LRP1B: variants seen among roughly 807,000 people sequenced by gnomAD.
LRP1B encodes LDL receptor related protein 1B.
A neutral mutation model predicts 556.6 loss-of-function variants in LRP1B; 217 were observed. That is an observed-to-expected ratio of 0.39 (90% CI 0.35 to 0.44). The LOEUF is 0.44. Ranked by LOEUF, LRP1B falls within the 20% of genes least tolerant of loss-of-function variation. LRP1B has a pLI of 1.00. For missense variants in LRP1B, 5,053 were observed against 5,620.8 expected, an observed-to-expected ratio of 0.90 and a Z score of 3.23; for synonymous variants, 2,047 against 1,865.8, an observed-to-expected ratio of 1.10 and a Z score of -2.50.
At chr2:140,272,880 A>AT (rs1413868414) in intron 85 of LRP1B, among the ~76,000 whole-genome samples, 2 of 151,936 alleles carry the variant, frequency 1.3e-5, no homozygotes, top group African/African-American at 4.8e-5. Flanking sequence ...TTATTTATCC[A>AT]TTTTTATATA....
chr2:140,362,088 C>T (rs1159193567), intron 72 of LRP1B, among the ~76,000 whole-genome samples: 1 of 151,664 alleles, frequency 6.6e-6, no homozygotes, highest in East Asian at 1.9e-4. Flanking sequence ...TCAAATCTGT[C>T]TATATTGTGC....
intron 2 of LRP1B, among the ~76,000 whole-genome samples, chr2:141,592,362 T>A (rs1687371641): frequency 6.6e-6 from 1 of 152,138 alleles, no homozygotes; most frequent in South Asian, 2.1e-4. Context: ...GACCTGCATT[T>A]TGGTTTCATA....
At chr2:141,115,575 G>A (rs1700871938) in intron 7 of LRP1B, among the ~76,000 whole-genome samples, 1 of 147,934 alleles carries the variant, frequency 6.8e-6, no homozygotes, top group Non-Finnish European at 1.5e-5. Flanking sequence ...TCCTGCCTCA[G>A]CCTACCGAGT....
intron 21 of LRP1B, among the ~76,000 whole-genome samples, chr2:140,913,578 G>T (rs1421349128): frequency 6.6e-6 from 1 of 151,914 alleles, no homozygotes; most frequent in Admixed American, 6.6e-5. Context: ...GCAAGTAAAT[G>T]GAACAGGTGA....
Position 140,548,476 on chromosome 2 carries a change from C to G in LRP1B, c.7195-6505G>C, listed in dbSNP as rs186390464. On this transcript the variant is annotated intron_variant, in intron 43 of 90. Coordinates refer to ENST00000389484, the MANE Select transcript of LRP1B (RefSeq NM_018557.3). ...TATTTCATCTCCATATCCCAACCCC[C>G]TCCTTTTGCCACACATCGCCTCCTT... Among the ~76,000 whole-genome samples, 220 of 152,240 alleles carry G rather than the reference C, an allele frequency of 1.4e-3. 1 individual carries two copies. Among genetic ancestry groups the G allele is most frequent in the African/African-American group, 5.1e-3 (213 of 41,566 alleles).
chr2:140,770,716 A>G (rs998717312), intron 34 of LRP1B, among the ~76,000 whole-genome samples, 165 bp downstream of exon 34: 17 of 152,092 alleles, frequency 1.1e-4, no homozygotes, highest in Admixed American at 1.1e-3. Context: ...TAAATATTTC[A>G]AATATTAAAA....
intron 7 of LRP1B, among the ~76,000 whole-genome samples, chr2:141,185,683 C>CAAAAAAAAAAAAAAAAAAAAAA (rs148935362): frequency 4.0e-5 from 3 of 74,326 alleles, no homozygotes; most frequent in African/African-American, 9.7e-5. Context: ...GAAAAACAAA[C>CAAAAAAAAAAAAAAAAAAAAAA]AAACAAAAAA....
At position 140,364,670 on chromosome 2, in the gene LRP1B, C is replaced by G. The variant is rs200747526; in HGVS notation, c.11122G>C (p.Asp3708His). 1.8e-4 allele frequency: 290 copies of G among 1,609,614 alleles called. 2 individuals are homozygous for G. The highest frequency in any genetic ancestry group is 1.8e-5 in the Non-Finnish European group (21 of 1,177,246). Residue 3708 changes from aspartate (D) to histidine (H), a missense_variant, in exon 72 of 91, where the codon GAT becomes CAT. Transcript: ENST00000389484. ...ACGTGAAATGCCATACCACACATAT[C>G]AGGGGCTTCATCAGAGTTGTCTCCA... ...DCGDNSDEAP[D>H]MCVKFLCPST...
chr2:141,663,335 T>C (rs185999385), intron 2 of LRP1B, among the ~76,000 whole-genome samples: 1 of 146,426 alleles, frequency 6.8e-6, no homozygotes, highest in African/African-American at 2.5e-5. Flanking sequence ...ATAACCAAGA[T>C]CAGAACAGAA....
At chr2:140,937,872 C>T (rs928177889) in intron 20 of LRP1B, among the ~76,000 whole-genome samples, 3 of 151,674 alleles carry the variant, frequency 2.0e-5, no homozygotes, top group Non-Finnish European at 1.5e-5. Flanking sequence ...GTTTTGATAG[C>T]CTCACTGCTT....
intron 7 of LRP1B, among the ~76,000 whole-genome samples, chr2:141,182,746 A>C (rs972462910): frequency 4.6e-5 from 7 of 151,896 alleles, no homozygotes; most frequent in Non-Finnish European, 2.9e-5. Context: ...GGGGATGTGC[A>C]TCTGATTGTG....
intron 47 of LRP1B, among the ~76,000 whole-genome samples, chr2:140,532,947 T>TATATATATATATATATATATATATATAC: frequency 1.6e-5 from 2 of 124,282 alleles, no homozygotes; most frequent in African/African-American, 6.4e-5. Flanking sequence ...TATATATATA[T>TATATATATATATATATATATATATATAC]ACACATATAT....
intron 1 of LRP1B, among the ~76,000 whole-genome samples, chr2:142,021,465 T>A (rs1195012721): frequency 1.3e-5 from 2 of 152,162 alleles, no homozygotes; most frequent in African/African-American, 4.8e-5. Flanking sequence ...TTTTTCACAC[T>A]TGTTTTAGTA....
intron 66 of LRP1B, among the ~76,000 whole-genome samples, chr2:140,391,585 A>T (rs1317857584): frequency 6.6e-6 from 1 of 152,172 alleles, no homozygotes; most frequent in African/African-American, 2.4e-5. Context: ...TTACACCATG[A>T]TAAAATATTG....
intron 2 of LRP1B, among the ~76,000 whole-genome samples, chr2:141,694,641 T>C (rs554467266): frequency 4.0e-5 from 6 of 151,338 alleles, no homozygotes; most frequent in African/African-American, 1.5e-4. Context: ...ATCATTCGAT[T>C]GTTTCAAAAA....
chr2:140,285,851 T>C (rs907359544), intron 84 of LRP1B, among the ~76,000 whole-genome samples: 16 of 26,846 alleles, frequency 6.0e-4, no homozygotes, highest in Non-Finnish European at 1.9e-4. Context: ...GTCATTACTC[T>C]TTCATTGTGT....
intron 1 of LRP1B, among the ~76,000 whole-genome samples, chr2:141,939,899 T>C (rs1351320224): frequency 6.6e-6 from 1 of 152,150 alleles, no homozygotes; most frequent in Non-Finnish European, 1.5e-5. Context: ...TAAGTGGTGC[T>C]GAGACAAATG....
intron 23 of LRP1B, among the ~76,000 whole-genome samples, chr2:140,886,595 C>T (rs1044997750): frequency 6.7e-6 from 1 of 149,078 alleles, no homozygotes; most frequent in Non-Finnish European, 1.5e-5. Flanking sequence ...AGAATTATTG[C>T]CACGCAAAGA....
chr2:141,163,684 C>T (rs1047631254), intron 7 of LRP1B, among the ~76,000 whole-genome samples: 2 of 151,948 alleles, frequency 1.3e-5, no homozygotes, highest in Admixed American at 6.6e-5. Context: ...AGGGTTTCCC[C>T]TTTTATTTGG....
Sources: allele counts gnomAD v4.1 joint callset (sites outside exome capture counted in the v4.1 genomes callset), GRCh38; gene constraint gnomAD v4.1.1; transcripts MANE v1.5; gene names NCBI Gene and HGNC (gene_info 2026-07-23, HGNC 2026-07-21).